Variants in PTPN22 observed in about 807,000 individuals in gnomAD.
The protein encoded by PTPN22 is tyrosine-protein phosphatase non-receptor type 22.
PTPN22 carries 85 observed loss-of-function variants against 103.3 expected under a neutral mutation model. The observed-to-expected ratio is 0.82, with a 90% CI of 0.69 to 0.99. The LOEUF (loss-of-function observed/expected upper bound fraction) is 0.99, where lower values mean the gene tolerates loss of function less well. Ranked by LOEUF, PTPN22 falls within the 50% of genes least tolerant of loss-of-function variation. PTPN22 has a pLI of 0.00. For missense variants in PTPN22, 865 were observed against 936.9 expected, an observed-to-expected ratio of 0.92 and a Z score of 1.00; for synonymous variants, 323 against 310.2, an observed-to-expected ratio of 1.04 and a Z score of -0.43.
At chr1:113,824,505 T>G (rs1273108661) in intron 19 of PTPN22, among the ~76,000 whole-genome samples, 1 of 152,224 alleles carries the variant, frequency 6.6e-6, no homozygotes, top group Non-Finnish European at 1.5e-5. Context: ...GTAGCAAAAA[T>G]AGTAAGCAAC....
intron 13 of PTPN22, among the ~76,000 whole-genome samples, chr1:113,835,940 AT>A (rs35200954): frequency 6.6e-6 from 1 of 151,556 alleles, no homozygotes; most frequent in Non-Finnish European, 1.5e-5. Flanking sequence ...TTATTAATTA[AT>A]TTTTTTTTGA....
At chr1:113,865,445 C>A (rs1295753841) in intron 1 of PTPN22, among the ~76,000 whole-genome samples, 1 of 151,960 alleles carries the variant, frequency 6.6e-6, no homozygotes, top group African/African-American at 2.4e-5. Context: ...ATATTTTCCT[C>A]TTGGGGTAGT....
At chr1:113,870,509 C>T (rs1436245524) in intron 1 of PTPN22, among the ~76,000 whole-genome samples, 4 of 152,170 alleles carry the variant, frequency 2.6e-5, no homozygotes, top group Non-Finnish European at 5.9e-5. Context: ...GCTGCCATTG[C>T]ATCAATAATC....
chr1:113,819,802 A>C, intron 19 of PTPN22, 148 bp from the exon 20 acceptor site: 1 of 456,092 alleles, frequency 2.2e-6, no homozygotes, highest in East Asian at 3.3e-5. Flanking sequence ...GTGCTTACAA[A>C]TGGGTTGACA....
In PTPN22 at chr1:113,859,184, G is replaced by GTGAA. The variant is rs534498840; in HGVS notation, c.197-110_197-107dup. 818 of 1,555,730 alleles carry GTGAA rather than the reference G, an allele frequency of 5.3e-4. 6 individuals carry two copies. In the East Asian group the frequency reaches 0.01, roughly 19 times the overall value. On this transcript the variant is annotated intron_variant, in intron 2 of 20. Transcript: ENST00000359785. ...TGTATGCTCATGAGTGAACAAGTGAGTGAATGAATGAATGAATGAATGAAT... is the reference window on the plus strand; with the variant it reads ...TGTATGCTCATGAGTGAACAAGTGAGTGAATGAATGAATGAATGAATGAATGAAT...
chr1:113,849,622 G>A (rs1235986100), intron 10 of PTPN22, among the ~76,000 whole-genome samples: 14 of 148,432 alleles, frequency 9.4e-5, no homozygotes, highest in Non-Finnish European at 1.9e-4. Flanking sequence ...CGGTCTCACC[G>A]TGTTGCCCAG....
chr1:113,837,307 G>A (rs190056053), intron 13 of PTPN22, among the ~76,000 whole-genome samples: 59 of 151,644 alleles, frequency 3.9e-4, no homozygotes, highest in African/African-American at 1.3e-3. Context: ...AAAATTAGCC[G>A]GGCGTGGTGG....
intron 7 of PTPN22, among the ~76,000 whole-genome samples, chr1:113,855,683 A>T (rs976297436): frequency 3.9e-5 from 6 of 152,134 alleles, no homozygotes; most frequent in African/African-American, 1.4e-4. Flanking sequence ...AGGTGACCAG[A>T]TGCTTTCTGA....
chr1:113,844,320 G>A (rs911923273), intron 11 of PTPN22, among the ~76,000 whole-genome samples: 5 of 152,146 alleles, frequency 3.3e-5, no homozygotes, highest in African/African-American at 9.7e-5. Context: ...TGGCCATGGT[G>A]GCACATACCT....
chr1:113,868,807 G>GCAAC (rs1666328495), intron 1 of PTPN22, among the ~76,000 whole-genome samples: 1 of 152,106 alleles, frequency 6.6e-6, no homozygotes, highest in African/African-American at 2.4e-5. Flanking sequence ...GGTAGTGGTT[G>GCAAC]CACTGCTAAT....
chr1:113,863,922 TATA>T (rs140027047), intron 1 of PTPN22, among the ~76,000 whole-genome samples: 42,505 of 135,442 alleles, frequency 0.31, 7,594 homozygotes, highest in African/African-American at 0.53. Flanking sequence ...TATATATATA[TATA>T]TATTTTTTTT....
rs17031939 is a variant in PTPN22, at chr1:113,860,788, C to G, written c.88-1328G>C. 2.8e-3 allele frequency among the ~76,000 whole-genome samples: 424 copies of G among 152,320 alleles called. 1 individual carries two copies. The highest frequency in any genetic ancestry group is 9.0e-3 in the African/African-American group (373 of 41,560). ...ATCTCAAGTCCCAGAACAGTTTCTT[C>G]TAGGAGTCTCCAGAACTAAGCTCAG... On this transcript the variant is annotated intron_variant, in intron 1 of 20. Coordinates refer to ENST00000359785, the Ensembl canonical transcript of PTPN22.
chr1:113,833,220 G>T (rs1662709305), intron 15 of PTPN22, 82 bp from the exon 16 acceptor site: 6 of 1,042,602 alleles, frequency 5.8e-6, no homozygotes, highest in Non-Finnish European at 7.0e-6. Flanking sequence ...TGGCATTTTT[G>T]AACTTATATG....
intron 10 of PTPN22, 81 bp downstream of exon 10, chr1:113,851,946 A>G: frequency 9.9e-7 from 1 of 1,012,800 alleles, no homozygotes; most frequent in Non-Finnish European, 1.5e-6. Context: ...CTGAGCAGTC[A>G]GCTGTTTTTG....
intron 1 of PTPN22, among the ~76,000 whole-genome samples, chr1:113,866,860 A>G (rs1666164573): frequency 6.6e-6 from 1 of 151,954 alleles, no homozygotes; most frequent in South Asian, 2.1e-4. Context: ...TGATCCTCCC[A>G]CTTCAGCCTC....
At chr1:113,831,223 C>G (rs774556258) in intron 16 of PTPN22, among the ~76,000 whole-genome samples, 7 of 152,150 alleles carry the variant, frequency 4.6e-5, no homozygotes, top group Non-Finnish European at 1.0e-4. Flanking sequence ...CTCTGCCTAA[C>G]TTTGGGTGTA....
Position 113,843,406 on chromosome 1 carries a change from T to TA in PTPN22, c.916-4787dup, listed in dbSNP as rs1663782239. 4.6e-5 allele frequency among the ~76,000 whole-genome samples: 7 copies of TA among 152,134 alleles called. No individual in the cohort carries two copies. In the South Asian group the frequency reaches 1.5e-3, roughly 32 times the overall value. On this transcript the variant is annotated intron_variant, in intron 11 of 20. Coordinates refer to ENST00000359785, the Ensembl canonical transcript of PTPN22. ...CAACATGGATGAACCTTGAGGACAT[T>TA]ACGCTAAGTGAAATAAGCCAGACAC...
intron 11 of PTPN22, among the ~76,000 whole-genome samples, chr1:113,847,238 T>TC (rs1439122517): frequency 1.7e-4 from 6 of 34,848 alleles, no homozygotes; most frequent in African/African-American, 9.9e-4. Flanking sequence ...CTGAGACTCT[T>TC]TTTTTTTTTT....
chr1:113,859,293 A>G, intron 2 of PTPN22, 59 bp downstream of exon 2: 2 of 1,562,958 alleles, frequency 1.3e-6, no homozygotes, highest in Middle Eastern at 2.0e-4. Flanking sequence ...GGGTACAAAG[A>G]GATAGTAATG....
Sources: gnomAD v4.1 joint callset for allele counts (sites outside exome capture counted in the v4.1 genomes callset) on GRCh38, gnomAD v4.1.1 for gene constraint, MANE v1.5 for transcripts, NCBI Gene and HGNC (gene_info 2026-07-23, HGNC 2026-07-21) for gene names.